OSBPL1A: variants seen among roughly 807,000 people sequenced by gnomAD.
OSBPL1A encodes oxysterol binding protein like 1A.
In OSBPL1A, 80 loss-of-function variants were observed where a neutral mutation model predicts 137.1. The observed-to-expected ratio is 0.58, with a 90% confidence interval of 0.49 to 0.70. The LOEUF is 0.70. Ranked by LOEUF, OSBPL1A falls within the 30% of genes least tolerant of loss-of-function variation. OSBPL1A has a pLI of 0.00. For missense variants in OSBPL1A, 970 were observed against 1,129.4 expected, an observed-to-expected ratio of 0.86 and a Z score of 2.02; for synonymous variants, 365 against 389.7, an observed-to-expected ratio of 0.94 and a Z score of 0.75.
At position 24,196,066 on chromosome 18, in the gene OSBPL1A, TA is replaced by T. The variant is rs2087021436; in HGVS notation, c.1677+58del. 2.9e-6 allele frequency: 4 copies of T among 1,359,124 alleles called. No homozygotes were observed. In the South Asian group the frequency reaches 4.9e-5, roughly 17 times the overall value. 84.2% of individuals were successfully genotyped at this position (1,359,124 alleles called of 1,614,324 possible). A position where few individuals can be genotyped will look rare whatever the true frequency, so the allele number is the denominator to read the frequency against. On this transcript the variant is annotated intron_variant, in intron 18 of 27. Coordinates refer to ENST00000319481, the MANE Select transcript of OSBPL1A (RefSeq NM_080597.4). Reference sequence around the variant, plus strand: ...TAATGCAAACTTTTAGGTTCCTTTCTAAAGAATATGCGATTAAACATATCTG... The same window carrying T: ...TAATGCAAACTTTTAGGTTCCTTTCTAAGAATATGCGATTAAACATATCTG...
At chr18:24,241,837 T>A (rs890323157) in intron 15 of OSBPL1A, among the ~76,000 whole-genome samples, 2 of 152,172 alleles carry the variant, frequency 1.3e-5, no homozygotes, top group African/African-American at 2.4e-5. Context: ...ATATGTTTAT[T>A]GCAGCACTAT....
intron 4 of OSBPL1A, among the ~76,000 whole-genome samples, chr18:24,361,137 C>T (rs1299382505): frequency 1.3e-5 from 2 of 152,150 alleles, no homozygotes; most frequent in Admixed American, 6.5e-5. Flanking sequence ...TCAAGTGATC[C>T]TCCCATTTCA....
chr18:24,258,925 C>CT (rs543867145), intron 15 of OSBPL1A, among the ~76,000 whole-genome samples: 1,977 of 92,746 alleles, frequency 0.021, 165 homozygotes, highest in African/African-American at 0.069. Context: ...AAAATTACAT[C>CT]TTTTTTTTTT....
intron 15 of OSBPL1A, among the ~76,000 whole-genome samples, chr18:24,251,345 T>C (rs55915949): frequency 0.33 from 49,616 of 152,030 alleles, 9,530 homozygotes; most frequent in Middle Eastern, 0.5. Context: ...AGAACAGTCT[T>C]AGTGGTGGCC....
intron 15 of OSBPL1A, among the ~76,000 whole-genome samples, chr18:24,241,416 T>C (rs987389573): frequency 6.6e-5 from 10 of 151,972 alleles, no homozygotes; most frequent in East Asian, 3.9e-4. Flanking sequence ...ACAATGAACT[T>C]AAACAAATTT....
intron 17 of OSBPL1A, among the ~76,000 whole-genome samples, chr18:24,223,999 G>A (rs1278297671): frequency 6.6e-6 from 1 of 152,140 alleles, no homozygotes; most frequent in Non-Finnish European, 1.5e-5. Context: ...TAACTACAGA[G>A]GGAATCGGGA....
chr18:24,170,574 T>C, intron 23 of OSBPL1A, 121 bp from the exon 24 acceptor site: 1 of 1,078,716 alleles, frequency 9.3e-7, no homozygotes. Context: ...CCTGCTTAGC[T>C]TCCAAGAGCA....
rs567859597 is a variant in OSBPL1A, at chr18:24,177,926, T to C, written c.2093+87A>G. ...AAAGCTGTTTCTTTTTCTCCAGCTTTTGAACAGTAAGGTCAGCTGAGTGTG... is the reference window on the plus strand; with the variant it reads ...AAAGCTGTTTCTTTTTCTCCAGCTTCTGAACAGTAAGGTCAGCTGAGTGTG... On this transcript the variant is annotated intron_variant, in intron 21 of 27. Transcript: ENST00000319481. 61 of 1,312,360 alleles carry C rather than the reference T, an allele frequency of 4.6e-5. No individual in the cohort carries two copies. The South Asian group carries it at 7.9e-4, about 17-fold the overall frequency. The allele number at this position is 1,312,360 out of a possible 1,614,324, so 81.3% of individuals were successfully genotyped here. A position where few individuals can be genotyped will look rare whatever the true frequency, so the allele number is the denominator to read the frequency against.
intron 7 of OSBPL1A, among the ~76,000 whole-genome samples, chr18:24,324,216 C>T (rs1256495230): frequency 3.5e-5 from 2 of 56,610 alleles, no homozygotes; most frequent in Non-Finnish European, 7.1e-5. Flanking sequence ...AGTGAGACTC[C>T]GTCTCAAAAA....
intron 17 of OSBPL1A, among the ~76,000 whole-genome samples, chr18:24,205,789 T>G (rs1599488613): frequency 6.6e-6 from 1 of 152,212 alleles, no homozygotes; most frequent in Non-Finnish European, 1.5e-5. Flanking sequence ...ACATTAAGGT[T>G]TTCACAGAGA....
chr18:24,332,974 C>T lies in OSBPL1A; in HGVS notation c.593G>A (p.Ser198Asn), dbSNP rs2091109707. The change falls in exon 7 of 28, where the codon AGT becomes AAT. Residue 198 changes from serine to asparagine, a missense_variant. Coordinates refer to ENST00000319481, the MANE Select transcript of OSBPL1A (RefSeq NM_080597.4). ...HKQCALKLLR[S>N]GADPNLKNKN... Reference sequence around the variant, plus strand: ...GTTCTTCAGATTAGGGTCTGCTCCACTTCTTAGAAGCTTTAAGGCACATTG... The same window carrying T: ...GTTCTTCAGATTAGGGTCTGCTCCATTTCTTAGAAGCTTTAAGGCACATTG... The T allele has an allele frequency of 6.2e-7, 1 of 1,614,186 alleles. No individual in the cohort carries two copies. Among genetic ancestry groups the T allele is most frequent in the Non-Finnish European group, 8.5e-7 (1 of 1,180,034 alleles).
chr18:24,223,862 G>T (rs550613706), intron 17 of OSBPL1A, among the ~76,000 whole-genome samples: 1 of 152,062 alleles, frequency 6.6e-6, no homozygotes, highest in Non-Finnish European at 1.5e-5. Context: ...CATCAGACTG[G>T]CATGGTGTAT....
At chr18:24,252,803 A>G (rs1409237212) in intron 15 of OSBPL1A, among the ~76,000 whole-genome samples, 3 of 152,092 alleles carry the variant, frequency 2.0e-5, no homozygotes, top group Non-Finnish European at 4.4e-5. Context: ...AAAAGGAACA[A>G]AAGAAGGTAA....
At chr18:24,331,970 T>C (rs1172883044) in intron 7 of OSBPL1A, among the ~76,000 whole-genome samples, 2 of 152,134 alleles carry the variant, frequency 1.3e-5, no homozygotes, top group Non-Finnish European at 2.9e-5. Flanking sequence ...TGCCTGGCCT[T>C]CTTGTTTCAT....
chr18:24,290,037 C>T (rs959219984), intron 14 of OSBPL1A, among the ~76,000 whole-genome samples: 5 of 151,878 alleles, frequency 3.3e-5, no homozygotes, highest in East Asian at 1.9e-4. Context: ...ACTATCTATA[C>T]GTCAAATACA....
chr18:24,271,982 G>A lies in OSBPL1A; in HGVS notation c.1281+8860C>T, dbSNP rs1033636650. 1 of 981,784 alleles carries A rather than the reference G, an allele frequency of 1.0e-6. No homozygotes were observed. Among genetic ancestry groups the A allele is most frequent in the African/African-American group, 1.8e-5 (1 of 56,842 alleles). The allele number at this position is 981,784 out of a possible 1,614,324, so 60.8% of individuals were successfully genotyped here. On this transcript the variant is annotated intron_variant, in intron 15 of 27. Coordinates refer to ENST00000319481, the MANE Select transcript of OSBPL1A (RefSeq NM_080597.4). This position sits in a 1 kb window ranked among gnomAD's most constrained non-coding sequence, Gnocchi z 4.0. Reference sequence around the variant, plus strand: ...CCTCCGGGGCTCGCGGGGAGAGCGCGGGCGGGCGGCGGCAAGGCCTGCGGC... The same window carrying A: ...CCTCCGGGGCTCGCGGGGAGAGCGCAGGCGGGCGGCGGCAAGGCCTGCGGC...
At chr18:24,394,712 A>C (rs772376866) in intron 1 of OSBPL1A, among the ~76,000 whole-genome samples, 1 of 152,226 alleles carries the variant, frequency 6.6e-6, no homozygotes, top group Non-Finnish European at 1.5e-5. Flanking sequence ...AATAATACTG[A>C]CCATTTATGC....
chr18:24,267,805 C>T (rs1243231709), intron 15 of OSBPL1A, among the ~76,000 whole-genome samples: 2 of 151,052 alleles, frequency 1.3e-5, no homozygotes, highest in African/African-American at 4.9e-5. Context: ...TTGTTAAATA[C>T]CATTCTTAAC....
At chr18:24,303,920 A>G (rs912342404) in intron 13 of OSBPL1A, among the ~76,000 whole-genome samples, 2 of 152,338 alleles carry the variant, frequency 1.3e-5, no homozygotes, top group African/African-American at 2.4e-5. Flanking sequence ...GTAAAAATAA[A>G]TATTTTAAAG....
Sources: gnomAD v4.1 joint callset for allele counts (sites outside exome capture counted in the v4.1 genomes callset) on GRCh38, gnomAD v4.1.1 for gene constraint, Gnocchi (gnomAD v3.1) non-coding constraint, MANE v1.5 for transcripts, NCBI Gene and HGNC (gene_info 2026-07-23, HGNC 2026-07-21) for gene names.